Variants in AKAP10 observed in about 807,000 individuals in gnomAD.
The protein encoded by AKAP10 is A-kinase anchor protein 10, mitochondrial.
AKAP10 carries 24 observed loss-of-function variants against 80.8 expected under a neutral mutation model. That is an observed-to-expected ratio of 0.30 (90% confidence interval 0.22 to 0.42). AKAP10 has a LOEUF of 0.42. Among genes scored for constraint, AKAP10 ranks in the 10% least tolerant of loss-of-function variants. The pLI is 1.00. For synonymous variants in AKAP10, 291 were observed against 277.7 expected (o/e 1.05, Z -0.48); for missense variants, 661 against 794.9 (o/e 0.83, Z 2.03).
At chr17:19,943,671 T>C (rs2043073089) in intron 5 of AKAP10, among the ~76,000 whole-genome samples, 1 of 152,260 alleles carries the variant, frequency 6.6e-6, no homozygotes, top group Non-Finnish European at 1.5e-5. Flanking sequence ...TGAGAGCTGC[T>C]CTAGCAAATT....
At chr17:19,946,256 TATA>T (rs1567765791) in intron 5 of AKAP10, among the ~76,000 whole-genome samples, 1 of 23,636 alleles carries the variant, frequency 4.2e-5, no homozygotes, top group East Asian at 1.1e-3. Context: ...TATATATATA[TATA>T]TATATATATA....
chr17:19,909,202 T>G lies in AKAP10; in HGVS notation c.1962A>C (p.Gln654His). 1 of 1,613,124 alleles carries G rather than the reference T, an allele frequency of 6.2e-7. No individual in the cohort carries two copies. Among genetic ancestry groups the G allele is most frequent in the Non-Finnish European group, 8.5e-7 (1 of 1,179,750 alleles). ...SDIMQQAQYD[Q>H]PLEKSTKL ...TTACCTTTGTAGATTTCTCTAACGGTTGATCATACTGAGCCTGCTGCATAA... is the reference window on the plus strand; with the variant it reads ...TTACCTTTGTAGATTTCTCTAACGGGTGATCATACTGAGCCTGCTGCATAA... Residue 654 changes from glutamine (Q) to histidine (H), a missense_variant, in exon 14 of 15, where the codon CAA becomes CAC. Physicochemically the swap from Gln to His is conservative, Grantham distance 24. Coordinates refer to ENST00000225737, the MANE Select transcript of AKAP10 (RefSeq NM_007202.4).
At position 19,935,735 on chromosome 17, in the gene AKAP10, T is replaced by C. The variant is rs569000706; in HGVS notation, c.1467+551A>G. Among the ~76,000 whole-genome samples, 313 of 152,250 alleles carry C rather than the reference T, an allele frequency of 2.1e-3. 1 individual carries two copies. The highest frequency in any genetic ancestry group is 1.3e-3 in the Non-Finnish European group (88 of 68,016). On this transcript the variant is annotated intron_variant, in intron 9 of 14. Transcript: ENST00000225737. Reference sequence around the variant, plus strand: ...CTTTCACCTCCACATCTTGTCCCACTGGAAGGTCTTCAGGGGCAGTAACAC... The same window carrying C: ...CTTTCACCTCCACATCTTGTCCCACCGGAAGGTCTTCAGGGGCAGTAACAC...
rs751355444 is a variant in AKAP10 at position 19,920,026 on chromosome 17, C to G, written c.1834+10G>C. 2.2e-5 allele frequency: 36 copies of G among 1,607,104 alleles called. No homozygotes were observed. The highest frequency in any genetic ancestry group is 3.1e-5 in the Non-Finnish European group (36 of 1,174,594). ...AAAGGCTTAATATGAAGTATAAAAA[C>G]ACCACAAACCTTTTGATTTCCTTAC... On this transcript the variant is annotated intron_variant, in intron 12 of 14. Transcript: ENST00000225737.
chr17:19,977,349 A>G (rs2043582511), intron 1 of AKAP10, among the ~76,000 whole-genome samples: 4 of 152,240 alleles, frequency 2.6e-5, no homozygotes, highest in Admixed American at 2.6e-4. Flanking sequence ...AGGAACTTCT[A>G]TGGGCTTTAG....
chr17:19,946,598 T>G (rs533240767), intron 5 of AKAP10, among the ~76,000 whole-genome samples: 7 of 151,490 alleles, frequency 4.6e-5, no homozygotes, highest in South Asian at 4.2e-4. Flanking sequence ...TTTATTGATC[T>G]TGCTGTCATT....
intron 12 of AKAP10, among the ~76,000 whole-genome samples, chr17:19,912,578 C>T (rs1052344412): frequency 6.6e-5 from 10 of 151,702 alleles, no homozygotes; most frequent in South Asian, 2.1e-4. Context: ...ATTAGCTGGG[C>T]GTGGTGACAC....
chr17:19,928,159 A>G (rs1430682730), intron 10 of AKAP10, among the ~76,000 whole-genome samples: 1 of 152,122 alleles, frequency 6.6e-6, no homozygotes, highest in Non-Finnish European at 1.5e-5. Flanking sequence ...CAGGAGGCGG[A>G]GGTTGCAGTG....
At chr17:19,976,243 T>G (rs2043564686) in intron 1 of AKAP10, among the ~76,000 whole-genome samples, 1 of 152,056 alleles carries the variant, frequency 6.6e-6, no homozygotes, top group Non-Finnish European at 1.5e-5. Flanking sequence ...TCCTGGCACT[T>G]TGGGAGGCCG....
intron 11 of AKAP10, among the ~76,000 whole-genome samples, chr17:19,920,949 CAT>C (rs1313790093): frequency 9.2e-6 from 1 of 108,896 alleles, no homozygotes; most frequent in Non-Finnish European, 1.8e-5. Context: ...TATCGAGAAA[CAT>C]AGAGAATCTT....
intron 5 of AKAP10, among the ~76,000 whole-genome samples, chr17:19,946,710 T>C (rs545280581): frequency 6.9e-6 from 1 of 143,932 alleles, no homozygotes; most frequent in African/African-American, 2.6e-5. Flanking sequence ...TTCAGAAGAA[T>C]AAAGTTACGT....
intron 9 of AKAP10, among the ~76,000 whole-genome samples, chr17:19,932,472 T>C (rs1177485545): frequency 7.0e-6 from 1 of 142,872 alleles, no homozygotes; most frequent in Non-Finnish European, 1.6e-5. Context: ...AAAAAAAAAA[T>C]TACAATGCAT....
intron 8 of AKAP10, 148 bp downstream of exon 8, chr17:19,939,565 G>T: frequency 2.3e-6 from 2 of 865,470 alleles, no homozygotes; most frequent in Non-Finnish European, 3.4e-6. Context: ...AACCCCCAAA[G>T]CTTTACAAAC....
chr17:19,949,026 C>A (rs540950279), intron 4 of AKAP10, among the ~76,000 whole-genome samples: 3 of 152,184 alleles, frequency 2.0e-5, no homozygotes, highest in African/African-American at 7.2e-5. Context: ...GTCCAAGATA[C>A]AATCCAAAAT....
At chr17:19,952,109 A>C (rs2043222466) in intron 4 of AKAP10, among the ~76,000 whole-genome samples, 1 of 151,088 alleles carries the variant, frequency 6.6e-6, no homozygotes, top group African/African-American at 2.4e-5. Flanking sequence ...TTATACTAAA[A>C]TTTATATTAA....
chr17:19,944,524 G>A (rs995883687), intron 5 of AKAP10, among the ~76,000 whole-genome samples: 2 of 152,006 alleles, frequency 1.3e-5, no homozygotes, highest in Non-Finnish European at 2.9e-5. Flanking sequence ...GCGTGGTGGC[G>A]AGCGCCTGTA....
chr17:19,968,336 G>A, intron 2 of AKAP10, 78 bp downstream of exon 2: 1 of 1,108,446 alleles, frequency 9.0e-7, no homozygotes, highest in Non-Finnish European at 1.3e-6. Flanking sequence ...AAAAGAGAGA[G>A]TATAACAGGA....
chr17:19,957,466 C>CG (rs57314474), intron 4 of AKAP10, among the ~76,000 whole-genome samples: 1 of 151,688 alleles, frequency 6.6e-6, no homozygotes, highest in African/African-American at 2.4e-5. Flanking sequence ...GGCATGAACC[C>CG]GGAGGTTGCA....
chr17:19,963,701 C>G (rs2043381419), intron 2 of AKAP10, among the ~76,000 whole-genome samples: 1 of 151,984 alleles, frequency 6.6e-6, no homozygotes, highest in Non-Finnish European at 1.5e-5. Flanking sequence ...TCAAGACCAG[C>G]CTGACCAACA....
Sources: gnomAD v4.1 joint callset for allele counts (sites outside exome capture counted in the v4.1 genomes callset) on GRCh38, gnomAD v4.1.1 for gene constraint, MANE v1.5 for transcripts, NCBI Gene and HGNC (gene_info 2026-07-23, HGNC 2026-07-21) for gene names.